The following GYG2 variants were observed in gnomAD, a reference collection of about 807,000 sequenced individuals.
GYG2 encodes the protein glycogenin-2.
Under a neutral mutation model 29.4 loss-of-function variants are expected in GYG2, and 29 were observed. The ratio of observed to expected loss-of-function variants is 0.99; its 90% CI spans 0.74 to 1.35. The LOEUF (loss-of-function observed/expected upper bound fraction) is 1.35. Ranked by LOEUF, GYG2 falls within the 40% of genes most tolerant of loss-of-function variation. GYG2 has a pLI of 0.00. For missense variants in GYG2, 370 were observed against 385.7 expected (o/e 0.96, Z 0.34); for synonymous variants, 167 against 172.3 (o/e 0.97, Z 0.24).
rs1275084873 is a variant in GYG2, at chrX:2,830,042, G to T, written c.-128-19G>T. The T allele has an allele frequency of 9.4e-6, 5 of 532,275 alleles. No individual in the cohort carries two copies. In the South Asian group the frequency reaches 1.5e-4, roughly 16 times the overall value. The allele number at this position is 532,275 out of a possible 1,213,427, so 43.9% of individuals were successfully genotyped here. A position where few individuals can be genotyped will look rare whatever the true frequency, so the allele number is the denominator to read the frequency against. ...GCCTGCAGCCGAGGGTGTCGAGACTGCCACGCTGTCGCCCCCAGGCCTGGA... is the reference window on the plus strand; with the variant it reads ...GCCTGCAGCCGAGGGTGTCGAGACTTCCACGCTGTCGCCCCCAGGCCTGGA... On this transcript the variant is annotated intron_variant, in intron 1 of 10. Coordinates refer to ENST00000398806, the MANE Select transcript of GYG2 (RefSeq NM_001079855.2).
At chrX:2,848,883 G>C in intron 3 of GYG2, among the ~76,000 whole-genome samples, 1 of 110,934 alleles carries the variant, frequency 9.0e-6, no homozygotes, top group Non-Finnish European at 1.9e-5. Context: ...TTGAGGTTTT[G>C]TGGGACCTTT....
At chrX:2,876,686 C>T (rs995431196) in intron 9 of GYG2, among the ~76,000 whole-genome samples, 2 of 110,332 alleles carry the variant, frequency 1.8e-5, no homozygotes, top group Middle Eastern at 9.3e-3. Context: ...CGGTGGCTCA[C>T]GCCTGTAATC....
intron 3 of GYG2, among the ~76,000 whole-genome samples, chrX:2,844,145 A>G (rs1177899699): frequency 8.9e-6 from 1 of 112,369 alleles, no homozygotes; most frequent in Non-Finnish European, 1.9e-5. Flanking sequence ...ACGAGGAGGC[A>G]TTTAATATGG....
At position 2,854,077 on chromosome X, in the gene GYG2, G is replaced by T. The variant is rs1201973951; in HGVS notation, c.247G>T (p.Gly83Trp). Residue 83 changes from glycine to tryptophan, a missense_variant, in exon 4 of 11, where the codon GGG (glycine) becomes TGG (tryptophan). Transcript: ENST00000398806. ...GGCCTTTCTGAAGAGACCTGAGCTC[G>T]GGCTCACCCTCACCAAGCTTCACTG... ...HLAFLKRPELGLTLTKLHCWT... is the reference protein window; with the variant it reads ...HLAFLKRPELWLTLTKLHCWT... 8.3e-7 allele frequency: 1 copy of T among 1,203,070 alleles called. No homozygotes were observed. Among genetic ancestry groups the T allele is most frequent in the Admixed American group, 2.2e-5 (1 of 45,632 alleles).
At chrX:2,844,675 C>T (rs1219305536) in intron 3 of GYG2, among the ~76,000 whole-genome samples, 2 of 41,608 alleles carry the variant, frequency 4.8e-5, no homozygotes, top group African/African-American at 1.2e-4. Flanking sequence ...TATGTGTATA[C>T]GCACACGCAT....
In GYG2 at chrX:2,875,851, G is replaced by C; in HGVS notation, c.1080G>C (p.Thr360=). ...AAACTGAGACTCCTGCCGTGATAAC[G>C]TGTGACCCACTGTCCCAGCCTTCCC... is the stretch of plus-strand genomic sequence containing the variant. The part of the protein sequence containing the change: ...CPETETPAVI[T]CDPLSQPSPQ... Residue 360 remains threonine (T), a synonymous_variant, in exon 9 of 11, where the codon ACG becomes ACC. Coordinates refer to ENST00000398806, the MANE Select transcript of GYG2 (RefSeq NM_001079855.2). 1 of 1,198,821 alleles carries C rather than the reference G, an allele frequency of 8.3e-7. No homozygotes were observed. Among genetic ancestry groups the C allele is most frequent in the Non-Finnish European group, 1.1e-6 (1 of 884,624 alleles).
intron 5 of GYG2, among the ~76,000 whole-genome samples, chrX:2,855,427 T>C (rs1218176984): frequency 2.7e-5 from 3 of 112,126 alleles, no homozygotes; most frequent in Non-Finnish European, 5.6e-5. Flanking sequence ...GGGAGTGCAC[T>C]GAATGTTGTA....
At chrX:2,880,014 AGAT>A (rs759466382) in intron 10 of GYG2, among the ~76,000 whole-genome samples, 6 of 112,175 alleles carry the variant, frequency 5.3e-5, no homozygotes, top group Non-Finnish European at 1.1e-4. Flanking sequence ...GATGATAAAT[AGAT>A]GATAGATAGA....
intron 6 of GYG2, among the ~76,000 whole-genome samples, chrX:2,857,006 T>G (rs1242372107): frequency 9.4e-6 from 1 of 106,732 alleles, no homozygotes; most frequent in Non-Finnish European, 1.9e-5. Context: ...TATCTATCTA[T>G]CTATCCATAT....
At chrX:2,839,713 T>C (rs5982879) in intron 2 of GYG2, among the ~76,000 whole-genome samples, 36,888 of 110,678 alleles carry the variant, frequency 0.33, 4,449 homozygotes, top group East Asian at 0.43. Flanking sequence ...ATGTGCAACA[T>C]TGTGATGAAT....
intron 3 of GYG2, among the ~76,000 whole-genome samples, chrX:2,845,076 T>C (rs865870170): frequency 9.6e-5 from 9 of 93,548 alleles, no homozygotes; most frequent in African/African-American, 3.3e-4. Context: ...TGTATATTTA[T>C]ATACACGTGT....
intron 3 of GYG2, among the ~76,000 whole-genome samples, chrX:2,844,610 G>A (rs761724508): frequency 3.1e-5 from 1 of 31,990 alleles, no homozygotes; most frequent in Admixed American, 4.1e-4. Flanking sequence ...ACACGCATGC[G>A]TATATGTGTA....
chrX:2,882,665 A>G lies in GYG2; in HGVS notation c.*1452A>G, dbSNP rs1215947652. The G allele has an allele frequency of 1.8e-5, 2 of 110,374 alleles. No individual in the cohort carries two copies. The highest frequency in any genetic ancestry group is 3.8e-5 in the Non-Finnish European group (2 of 52,824). The allele number at this position is 110,374 out of a possible 1,213,427, so 9.1% of individuals were successfully genotyped here. On this transcript the variant is annotated 3_prime_UTR_variant, in exon 11 of 11. Coordinates refer to ENST00000398806, the MANE Select transcript of GYG2 (RefSeq NM_001079855.2). ...GACCACGGGAATGTTCAGGGAAACA[A>G]TGTCAGCTTCTCTGAGGACCAGAAT...
At chrX:2,843,605 A>G (rs1203777219) in intron 3 of GYG2, among the ~76,000 whole-genome samples, 2 of 112,037 alleles carry the variant, frequency 1.8e-5, no homozygotes, top group Admixed American at 1.9e-4. Flanking sequence ...TCTCCCAACC[A>G]TGGAAACTGA....
At chrX:2,829,582 C>T (rs1429046415) in intron 1 of GYG2, among the ~76,000 whole-genome samples, 8 of 80,382 alleles carry the variant, frequency 1.0e-4, no homozygotes, top group Non-Finnish European at 1.7e-4. Context: ...GGAGGGGGCA[C>T]CTGGCCGGGG....
chrX:2,879,354 G>A (rs1341322011), intron 10 of GYG2, among the ~76,000 whole-genome samples: 2 of 101,051 alleles, frequency 2.0e-5, no homozygotes, highest in Non-Finnish European at 3.9e-5. Context: ...TGCAACCTCC[G>A]CCTCCCGGGT....
At chrX:2,829,918 T>C in intron 1 of GYG2, 143 bp from the exon 2 acceptor site, 1 of 385,532 alleles carries the variant, frequency 2.6e-6, no homozygotes, top group Non-Finnish European at 4.5e-6. Context: ...AAGGAGGAAG[T>C]GCGGGGCGTG....
At chrX:2,877,651 T>C in intron 10 of GYG2, 2 of 752,559 alleles carry the variant, frequency 2.7e-6, no homozygotes, top group Non-Finnish European at 3.1e-6. Context: ...AGCTGAAAAT[T>C]GGAGGGAGTG....
At chrX:2,835,756 A>G (rs767979481) in intron 2 of GYG2, among the ~76,000 whole-genome samples, 1 of 110,462 alleles carries the variant, frequency 9.1e-6, no homozygotes, top group East Asian at 2.9e-4. Flanking sequence ...AAGAGAGTAA[A>G]TGTGTGTTGT....
Sources: gnomAD v4.1 joint callset for allele counts (sites outside exome capture counted in the v4.1 genomes callset) on GRCh38, gnomAD v4.1.1 for gene constraint, MANE v1.5 for transcripts, NCBI Gene and HGNC (gene_info 2026-07-23, HGNC 2026-07-21) for gene names.